Variants in ADARB1 observed in about 807,000 individuals in gnomAD.
The protein encoded by ADARB1 is adenosine deaminase RNA specific B1.
ADARB1 carries 10 observed loss-of-function variants against 52.4 expected under a neutral mutation model. The ratio of observed to expected loss-of-function variants is 0.19; its 90% confidence interval spans 0.12 to 0.32. ADARB1 has a LOEUF of 0.32. Among genes scored for constraint, ADARB1 ranks in the 10% least tolerant of loss-of-function variants. ADARB1 has a pLI of 1.00. For synonymous variants in ADARB1, 349 were observed against 371.1 expected, an observed-to-expected ratio of 0.94 and a Z score of 0.68; for missense variants, 643 against 922.3, an observed-to-expected ratio of 0.70 and a Z score of 3.92.
At chr21:45,179,696 C>T (rs1047796945) in intron 4 of ADARB1, among the ~76,000 whole-genome samples, 2 of 151,888 alleles carry the variant, frequency 1.3e-5, no homozygotes, top group Non-Finnish European at 2.9e-5. Flanking sequence ...ACCGTCTGGG[C>T]GAGTGAGCGG....
chr21:45,096,749 C>T (rs545707303), intron 1 of ADARB1, among the ~76,000 whole-genome samples: 1 of 152,272 alleles, frequency 6.6e-6, no homozygotes, highest in East Asian at 1.9e-4. Context: ...ATTTTCTCCT[C>T]TCTTTATTTT....
chr21:45,183,551 A>C, intron 7 of ADARB1, 41 bp downstream of exon 7: 1 of 1,605,258 alleles, frequency 6.2e-7, no homozygotes, highest in Non-Finnish European at 8.5e-7. Context: ...TTCTCAAGAA[A>C]ATGTTAACAG....
Position 45,221,101 on chromosome 21 carries a change from C to A in ADARB1, c.1926+87C>A. 7.2e-7 allele frequency: 1 copy of A among 1,386,792 alleles called. No homozygotes were observed. Among genetic ancestry groups the A allele is most frequent in the Non-Finnish European group, 9.7e-7 (1 of 1,030,948 alleles). 85.9% of individuals were successfully genotyped at this position (1,386,792 alleles called of 1,614,324 possible). ...ACACCTACTGTTCCTTAAGTTGTTTCATCATGTCATCATGCACAGCTTCCG... is the reference window on the plus strand; with the variant it reads ...ACACCTACTGTTCCTTAAGTTGTTTAATCATGTCATCATGCACAGCTTCCG... On this transcript the variant is annotated intron_variant, in intron 10 of 10. Coordinates refer to ENST00000348831, the MANE Select transcript of ADARB1 (RefSeq NM_001112.4). The surrounding 1 kb of genome is among the most constrained non-coding windows in gnomAD (Gnocchi z 4.9).
In ADARB1 at chr21:45,172,719, T is replaced by C. The variant is rs1473351786; in HGVS notation, c.28+1035T>C. 6.6e-6 allele frequency among the ~76,000 whole-genome samples: 1 copy of C among 152,140 alleles called. No homozygotes were observed. The highest frequency in any genetic ancestry group is 1.5e-5 in the Non-Finnish European group (1 of 68,046). On this transcript the variant is annotated intron_variant, in intron 3 of 10. Coordinates refer to ENST00000348831, the MANE Select transcript of ADARB1 (RefSeq NM_001112.4). This position sits in a 1 kb window ranked among gnomAD's most constrained non-coding sequence, Gnocchi z 4.4. Reference sequence around the variant, plus strand: ...TTGGCTTTGGTTGAAGTCAGCCATCTGGGGTGTGAGGGTGAGACCACCTCC... The same window carrying C: ...TTGGCTTTGGTTGAAGTCAGCCATCCGGGGTGTGAGGGTGAGACCACCTCC...
At chr21:45,136,889 A>G (rs387097) in intron 2 of ADARB1, among the ~76,000 whole-genome samples, 19,480 of 152,290 alleles carry the variant, frequency 0.13, 1,474 homozygotes, top group East Asian at 0.29. Context: ...CTTGGTTTAA[A>G]CAGCATCAAG....
intron 2 of ADARB1, among the ~76,000 whole-genome samples, chr21:45,129,620 C>T (rs1297116716): frequency 6.6e-6 from 1 of 152,342 alleles, no homozygotes; most frequent in Non-Finnish European, 1.5e-5. Flanking sequence ...TGGACACAGC[C>T]GTGCTCCCGC....
chr21:45,155,962 TCCAC>T (rs1435323917), intron 2 of ADARB1, among the ~76,000 whole-genome samples: 1 of 7,710 alleles, frequency 1.3e-4, no homozygotes, highest in Non-Finnish European at 2.6e-4. Flanking sequence ...CATCCAGCCA[TCCAC>T]CCACCCACCC....
intron 9 of ADARB1, among the ~76,000 whole-genome samples, chr21:45,210,922 C>G (rs2092756041): frequency 6.6e-6 from 1 of 152,252 alleles, no homozygotes; most frequent in African/African-American, 2.4e-5. Flanking sequence ...CCATGCAGCT[C>G]TCTGGACATG....
intron 1 of ADARB1, among the ~76,000 whole-genome samples, chr21:45,118,237 A>G (rs926442465): frequency 6.6e-6 from 1 of 152,172 alleles, no homozygotes; most frequent in Admixed American, 6.5e-5. Flanking sequence ...TAGCTGCCTC[A>G]GTTGCCATGG....
At chr21:45,162,920 A>G (rs1214615555) in intron 2 of ADARB1, among the ~76,000 whole-genome samples, 1 of 152,198 alleles carries the variant, frequency 6.6e-6, no homozygotes, top group Non-Finnish European at 1.5e-5. Context: ...ATCTTAACTC[A>G]CAGCACCAGA....
At chr21:45,134,757 C>T (rs767568497) in intron 2 of ADARB1, 2 of 532,070 alleles carry the variant, frequency 3.8e-6, no homozygotes, top group Admixed American at 1.9e-5. Context: ...ATTCATCCAG[C>T]GAGCATTGAG....
At chr21:45,094,239 A>C (rs2086668109) in intron 1 of ADARB1, among the ~76,000 whole-genome samples, 1 of 152,142 alleles carries the variant, frequency 6.6e-6, no homozygotes, top group South Asian at 2.1e-4. Context: ...ATTAGCGTGT[A>C]CCCAATTAGA....
At chr21:45,175,630 A>G in intron 3 of ADARB1, 100 bp from the exon 4 acceptor site, 1 of 1,188,146 alleles carries the variant, frequency 8.4e-7, no homozygotes, top group Non-Finnish European at 1.2e-6. Flanking sequence ...AGCACACATC[A>G]CTTAACCAGT....
rs574045576 is a variant in ADARB1, at chr21:45,210,169, C to T, written c.1747+5433C>T. On this transcript the variant is annotated intron_variant, in intron 9 of 10. Transcript: ENST00000348831. ...TTCAGTGGCTGCATTTGGGGTTCCT[C>T]ATGTCTGTTGGGTTTTCAGTTCTCC... Among the ~76,000 whole-genome samples the T allele has an allele frequency of 2.0e-5, 3 of 152,276 alleles. No homozygotes were observed. The South Asian group carries it at 6.2e-4, about 32-fold the overall frequency.
At chr21:45,144,222 C>T (rs2089895856) in intron 2 of ADARB1, among the ~76,000 whole-genome samples, 1 of 152,130 alleles carries the variant, frequency 6.6e-6, no homozygotes, top group Non-Finnish European at 1.5e-5. Flanking sequence ...CTAATAAACT[C>T]ATATTTCCCC....
At chr21:45,207,242 A>G (rs1243033248) in intron 9 of ADARB1, among the ~76,000 whole-genome samples, 1 of 152,232 alleles carries the variant, frequency 6.6e-6, no homozygotes, top group Non-Finnish European at 1.5e-5. Context: ...GAAATATCTT[A>G]TTTTTGGTAA....
Position 45,172,413 on chromosome 21 carries a change from C to G in ADARB1, c.28+729C>G, listed in dbSNP as rs2091521655. Among the ~76,000 whole-genome samples the G allele has an allele frequency of 6.6e-6, 1 of 152,164 alleles. No individual in the cohort carries two copies. The highest frequency in any genetic ancestry group is 2.1e-4 in the South Asian group (1 of 4,828). ...TATCTGTATTTACCTTCTTACTTGT[C>G]TGAAGGAATAACATGCAGCTGTCAA... is the stretch of plus-strand genomic sequence containing the variant. On this transcript the variant is annotated intron_variant, in intron 3 of 10. Transcript: ENST00000348831. This position sits in a 1 kb window ranked among gnomAD's most constrained non-coding sequence, Gnocchi z 4.4.
chr21:45,115,605 C>T lies in ADARB1; in HGVS notation c.-219-12797C>T, dbSNP rs12483085. 3.1e-3 allele frequency among the ~76,000 whole-genome samples: 478 copies of T among 152,302 alleles called. 4 individuals are homozygous for T. Among genetic ancestry groups the T allele is most frequent in the Middle Eastern group, 0.014 (4 of 294 alleles). ...TAATCTCTTCCCCTTTTTCTGCATC[C>T]TTGGGTTTTAAAGGATGTTTACTAT... On this transcript the variant is annotated intron_variant, in intron 1 of 10. Coordinates refer to ENST00000348831, the MANE Select transcript of ADARB1 (RefSeq NM_001112.4).
intron 2 of ADARB1, among the ~76,000 whole-genome samples, chr21:45,169,156 T>C (rs1361772549): frequency 6.6e-6 from 1 of 152,152 alleles, no homozygotes; most frequent in Admixed American, 6.5e-5. Context: ...CCCCACATAG[T>C]CTCTCATGAC....
Sources: gnomAD v4.1 joint callset for allele counts (sites outside exome capture counted in the v4.1 genomes callset) on GRCh38, gnomAD v4.1.1 for gene constraint, Gnocchi (gnomAD v3.1) non-coding constraint, MANE v1.5 for transcripts, NCBI Gene and HGNC (gene_info 2026-07-23, HGNC 2026-07-21) for gene names.